GPC6: variants seen among roughly 807,000 people sequenced by gnomAD.
GPC6 encodes the protein glypican-6.
In GPC6, 14 loss-of-function variants were observed where a neutral mutation model predicts 55.2. That is an observed-to-expected ratio of 0.25 (90% CI 0.17 to 0.40). The LOEUF (loss-of-function observed/expected upper bound fraction) is 0.40, where lower values mean the gene tolerates loss of function less well. Among genes scored for constraint, GPC6 ranks in the 10% least tolerant of loss-of-function variants. The pLI, the probability that GPC6 is intolerant of heterozygous loss-of-function variation, is 1.00. For synonymous variants in GPC6, 278 were observed against 259.6 expected, an observed-to-expected ratio of 1.07 and a Z score of -0.68; for missense variants, 641 against 708.5, an observed-to-expected ratio of 0.90 and a Z score of 1.08.
At chr13:94,359,504 C>G (rs531791049) in intron 6 of GPC6, among the ~76,000 whole-genome samples, 1 of 152,242 alleles carries the variant, frequency 6.6e-6, no homozygotes, top group African/African-American at 2.4e-5. Flanking sequence ...ACAGTGTAAC[C>G]TCACATGCCA....
At chr13:93,986,577 A>G (rs1447957603) in intron 3 of GPC6, among the ~76,000 whole-genome samples, 1 of 152,180 alleles carries the variant, frequency 6.6e-6, no homozygotes, top group African/African-American at 2.4e-5. Context: ...AAGACTGTGT[A>G]TATTATACAT....
At chr13:93,494,611 C>T (rs1465405942) in intron 1 of GPC6, among the ~76,000 whole-genome samples, 1 of 152,118 alleles carries the variant, frequency 6.6e-6, no homozygotes, top group East Asian at 1.9e-4. Flanking sequence ...GCAGTTTCTT[C>T]CTAGTCTCAA....
intron 1 of GPC6, among the ~76,000 whole-genome samples, chr13:93,457,441 G>A (rs544637369): frequency 2.0e-5 from 3 of 152,252 alleles, no homozygotes; most frequent in African/African-American, 7.2e-5. Context: ...AGATAATGTA[G>A]GTTATTCTGT....
At chr13:94,101,564 T>C (rs905795356) in intron 4 of GPC6, among the ~76,000 whole-genome samples, 1 of 152,226 alleles carries the variant, frequency 6.6e-6, no homozygotes, top group African/African-American at 2.4e-5. Context: ...ATAAATGATT[T>C]AGATATTCTC....
At chr13:93,905,728 G>A (rs1164239628) in intron 3 of GPC6, among the ~76,000 whole-genome samples, 2 of 152,190 alleles carry the variant, frequency 1.3e-5, no homozygotes, top group Admixed American at 6.5e-5. Flanking sequence ...AATCCAATTT[G>A]AAGGATCAGG....
chr13:94,086,231 C>G (rs1885277926), intron 4 of GPC6, among the ~76,000 whole-genome samples: 1 of 152,182 alleles, frequency 6.6e-6, no homozygotes, highest in Non-Finnish European at 1.5e-5. Flanking sequence ...ATGCAGCCAA[C>G]AGCATTTGTG....
intron 4 of GPC6, among the ~76,000 whole-genome samples, chr13:94,098,169 C>A (rs954330105): frequency 5.9e-5 from 9 of 152,146 alleles, no homozygotes; most frequent in African/African-American, 7.2e-5. Context: ...CTATTTAATT[C>A]TATTTTTAAT....
chr13:93,231,346 C>T (rs9561285), intron 1 of GPC6, among the ~76,000 whole-genome samples: 247 of 23,950 alleles, frequency 0.01, 4 homozygotes, highest in African/African-American at 0.037. Flanking sequence ...TATATATATA[C>T]ATATATATAT....
At chr13:94,211,818 A>G (rs1890087628) in intron 4 of GPC6, among the ~76,000 whole-genome samples, 2 of 152,224 alleles carry the variant, frequency 1.3e-5, no homozygotes, top group South Asian at 4.1e-4. Context: ...TGCAATTTCC[A>G]GAGAGCAATT....
intron 1 of GPC6, among the ~76,000 whole-genome samples, chr13:93,261,361 A>T (rs1877141077): frequency 6.6e-6 from 1 of 152,090 alleles, no homozygotes; most frequent in African/African-American, 2.4e-5. Flanking sequence ...TCCAGGAATG[A>T]TTCTTCTTAA....
At chr13:93,375,056 G>C (rs191310420) in intron 1 of GPC6, among the ~76,000 whole-genome samples, 1 of 152,002 alleles carries the variant, frequency 6.6e-6, no homozygotes, top group African/African-American at 2.4e-5. Flanking sequence ...TAATTGCTTC[G>C]TGCCACTTCT....
intron 2 of GPC6, among the ~76,000 whole-genome samples, chr13:93,642,749 G>A (rs1485457568): frequency 2.6e-5 from 4 of 152,100 alleles, no homozygotes; most frequent in Admixed American, 2.0e-4. Context: ...ACCAATTGAG[G>A]CATAGAAAAG....
At chr13:93,249,075 C>T (rs976329734) in intron 1 of GPC6, among the ~76,000 whole-genome samples, 1 of 152,118 alleles carries the variant, frequency 6.6e-6, no homozygotes, top group South Asian at 2.1e-4. Context: ...TATTCACTGG[C>T]ATGTTAGATT....
chr13:93,691,355 T>C (rs1882247941), intron 2 of GPC6, among the ~76,000 whole-genome samples: 1 of 152,094 alleles, frequency 6.6e-6, no homozygotes. Context: ...GTTATGCTCA[T>C]TGTGACTACA....
chr13:94,110,192 G>A (rs1028982907), intron 4 of GPC6, among the ~76,000 whole-genome samples: 9 of 151,808 alleles, frequency 5.9e-5, no homozygotes, highest in Admixed American at 5.9e-4. Context: ...TACGAGCGTA[G>A]AAAATTATTC....
intron 1 of GPC6, among the ~76,000 whole-genome samples, chr13:93,378,902 G>A (rs944823789): frequency 2.0e-4 from 30 of 151,420 alleles, no homozygotes; most frequent in African/African-American, 6.6e-4. Flanking sequence ...GCCTGAGGCA[G>A]GAGAATCGCA....
At chr13:93,290,164 G>T (rs973666353) in intron 1 of GPC6, among the ~76,000 whole-genome samples, 2 of 152,096 alleles carry the variant, frequency 1.3e-5, no homozygotes, top group East Asian at 3.9e-4. Flanking sequence ...GTGCAAATTT[G>T]TCAGGTCATC....
chr13:93,963,051 C>A (rs1020365001), intron 3 of GPC6, among the ~76,000 whole-genome samples: 1 of 152,106 alleles, frequency 6.6e-6, no homozygotes, highest in African/African-American at 2.4e-5. Context: ...TACCAGTCTC[C>A]TAAGCTGTGT....
At chr13:93,680,578 GGT>G (rs1315472853) in intron 2 of GPC6, among the ~76,000 whole-genome samples, 1 of 152,040 alleles carries the variant, frequency 6.6e-6, no homozygotes, top group African/African-American at 2.4e-5. Flanking sequence ...GATTAAGGAG[GGT>G]CTTCTAAGCC....
Sources: gnomAD v4.1 joint callset for allele counts (sites outside exome capture counted in the v4.1 genomes callset) on GRCh38, gnomAD v4.1.1 for gene constraint, MANE v1.5 for transcripts, NCBI Gene and HGNC (gene_info 2026-07-23, HGNC 2026-07-21) for gene names.